Variants in INPP4A observed in about 807,000 individuals in gnomAD.
The protein encoded by INPP4A is inositol polyphosphate-4-phosphatase type I A.
Under a neutral mutation model 119.8 loss-of-function variants are expected in INPP4A, and 33 were observed. The ratio of observed to expected loss-of-function variants is 0.28; its 90% CI spans 0.21 to 0.37. The LOEUF (loss-of-function observed/expected upper bound fraction) is 0.37, where lower values mean the gene tolerates loss of function less well. INPP4A is among the 10% of genes least tolerant of loss of function. The pLI is 1.00. For missense variants in INPP4A, 956 were observed against 1,289.9 expected, an observed-to-expected ratio of 0.74 and a Z score of 3.97; for synonymous variants, 496 against 500.7, an observed-to-expected ratio of 0.99 and a Z score of 0.12.
Position 98,559,448 on chromosome 2 carries a change from T to A in INPP4A, c.1823-15T>A, listed in dbSNP as rs1695065125. On this transcript the variant is annotated splice_polypyrimidine_tract_variant and intron_variant, in intron 16 of 24. Coordinates refer to ENST00000409851, the MANE Select transcript of INPP4A (RefSeq NM_001134225.2). ...TGCTCCTTAATCATCCATGTCGCCC[T>A]CCATTTCTGTGCAGATTGCAGTCCC... The A allele has an allele frequency of 6.2e-7, 1 of 1,613,988 alleles. No individual in the cohort carries two copies.
intron 1 of INPP4A, among the ~76,000 whole-genome samples, chr2:98,518,551 C>T (rs1176410845): frequency 3.3e-5 from 5 of 152,236 alleles, no homozygotes; most frequent in African/African-American, 9.6e-5. Context: ...CTCCTGTTCA[C>T]GCACATTTGG....
chr2:98,537,896 C>T lies in INPP4A; in HGVS notation c.501C>T (p.Thr167=), dbSNP rs547758860. The change falls in exon 8 of 25, where the codon ACC becomes ACT. Residue 167 remains threonine (T), a synonymous_variant. Transcript: ENST00000409851. ...SAESDRVGNI[T]VIGWQMEEKS... ...AGAGTGACCGTGTAGGTAACATCACCGTGATTGGCTGGCAGATGGAGGAGA... is the reference window on the plus strand; with the variant it reads ...AGAGTGACCGTGTAGGTAACATCACTGTGATTGGCTGGCAGATGGAGGAGA... 23 of 1,612,994 alleles carry T rather than the reference C, an allele frequency of 1.4e-5. No homozygotes were observed. In the Admixed American group the frequency reaches 2.2e-4, roughly 15 times the overall value.
intron 1 of INPP4A, among the ~76,000 whole-genome samples, chr2:98,485,047 A>T (rs893197152): frequency 1.3e-5 from 2 of 150,430 alleles, no homozygotes; most frequent in African/African-American, 2.4e-5. Context: ...AAGCGAACAG[A>T]GTGTGTGTGT....
chr2:98,500,752 G>A (rs917614145), intron 1 of INPP4A, among the ~76,000 whole-genome samples: 1 of 152,196 alleles, frequency 6.6e-6, no homozygotes, highest in African/African-American at 2.4e-5. Context: ...GGTGGTAGAG[G>A]AACCTAATCA....
Position 98,476,577 on chromosome 2 carries a change from G to A in INPP4A, c.-166+31492G>A, listed in dbSNP as rs532916742. Among the ~76,000 whole-genome samples, 10 of 152,290 alleles carry A rather than the reference G, an allele frequency of 6.6e-5. No individual in the cohort carries two copies. The South Asian group carries it at 1.9e-3, about 28-fold the overall frequency. ...AGCCCTGGGGTGTGTGTGGGGAGGA[G>A]CCCTGCTTGGGGGAGGGGTGGCGCT... is the stretch of plus-strand genomic sequence containing the variant. On this transcript the variant is annotated intron_variant, in intron 1 of 24. Coordinates refer to ENST00000409851, the MANE Select transcript of INPP4A (RefSeq NM_001134225.2).
intron 1 of INPP4A, among the ~76,000 whole-genome samples, chr2:98,503,517 T>G: frequency 6.6e-6 from 1 of 152,250 alleles, no homozygotes; most frequent in African/African-American, 2.4e-5. Context: ...ATTTCAAGCT[T>G]CTTCCTTGCC....
intron 1 of INPP4A, among the ~76,000 whole-genome samples, chr2:98,487,898 T>G (rs1418352843): frequency 6.6e-6 from 1 of 152,208 alleles, no homozygotes; most frequent in Non-Finnish European, 1.5e-5. Context: ...CAGGTCACAA[T>G]AGGCAGTTTC....
At chr2:98,565,608 G>T (rs753812655) in intron 19 of INPP4A, 32 bp from the exon 20 acceptor site, 1 of 1,579,650 alleles carries the variant, frequency 6.3e-7, no homozygotes, top group Middle Eastern at 1.7e-4. Context: ...AGGGCCCTCT[G>T]CCTGACAGCC....
rs1700488482 is a variant in INPP4A, at chr2:98,593,487, G to A, written c.*5879G>A. ...CTCCTGGGTTCCCTTTCTCACTTAAGATGATCTTCCTGAAAAATCTTACAC... is the reference window on the plus strand; with the variant it reads ...CTCCTGGGTTCCCTTTCTCACTTAAAATGATCTTCCTGAAAAATCTTACAC... On this transcript the variant is annotated 3_prime_UTR_variant, in exon 25 of 25. Coordinates refer to ENST00000409851, the MANE Select transcript of INPP4A (RefSeq NM_001134225.2). The A allele has an allele frequency of 6.6e-6, 1 of 152,248 alleles. No individual in the cohort carries two copies. The highest frequency in any genetic ancestry group is 1.5e-5 in the Non-Finnish European group (1 of 68,038). The allele number at this position is 152,248 out of a possible 1,614,324, so 9.4% of individuals were successfully genotyped here. A position where few individuals can be genotyped will look rare whatever the true frequency, so the allele number is the denominator to read the frequency against.
At chr2:98,481,236 CAGAG>C (rs1224179609) in intron 1 of INPP4A, among the ~76,000 whole-genome samples, 1 of 152,192 alleles carries the variant, frequency 6.6e-6, no homozygotes, top group Non-Finnish European at 1.5e-5. Flanking sequence ...CCTCACCCCA[CAGAG>C]AGGCCAGGAA....
At chr2:98,489,710 TCTG>T in intron 1 of INPP4A, among the ~76,000 whole-genome samples, 1 of 152,296 alleles carries the variant, frequency 6.6e-6, no homozygotes, top group Admixed American at 6.5e-5. Flanking sequence ...TTCCTCTTCT[TCTG>T]GAGAGGGTGC....
Position 98,444,873 on chromosome 2 carries a change from G to C in INPP4A, c.-378G>C, listed in dbSNP as rs1225374651. On this transcript the variant is annotated 5_prime_UTR_variant, in exon 1 of 25. Coordinates refer to ENST00000409851, the MANE Select transcript of INPP4A (RefSeq NM_001134225.2). ...TGCGCCCGGCGTCTAGAGCGGCGGC[G>C]GCTGGCTAGGGCTGCGGCGCGCGTG... The C allele has an allele frequency of 6.6e-6, 1 of 151,902 alleles. No individual in the cohort carries two copies. The allele number at this position is 151,902 out of a possible 1,614,324, so 9.4% of individuals were successfully genotyped here.
rs142957134 is a variant in INPP4A at position 98,588,546 on chromosome 2, C to T, written c.*938C>T. ...CCAATTTATCTTTGAAAAGACAGTA[C>T]AATCATGTTTGAATGTCTGATGAAA... On this transcript the variant is annotated 3_prime_UTR_variant, in exon 25 of 25. Coordinates refer to ENST00000409851, the MANE Select transcript of INPP4A (RefSeq NM_001134225.2). 1,087 of 220,284 alleles carry T rather than the reference C, an allele frequency of 4.9e-3. 18 individuals are homozygous for T. Among genetic ancestry groups the T allele is most frequent in the African/African-American group, 0.022 (996 of 44,650 alleles). 13.6% of individuals were successfully genotyped at this position (220,284 alleles called of 1,614,324 possible). A position where few individuals can be genotyped will look rare whatever the true frequency, so the allele number is the denominator to read the frequency against.
chr2:98,476,261 T>TCC (rs771893281), intron 1 of INPP4A, among the ~76,000 whole-genome samples: 1 of 152,214 alleles, frequency 6.6e-6, no homozygotes, highest in Non-Finnish European at 1.5e-5. Context: ...GGCCAGGTGT[T>TCC]GCCAGGACAC....
At chr2:98,508,883 G>A (rs1684597556) in intron 1 of INPP4A, among the ~76,000 whole-genome samples, 2 of 152,170 alleles carry the variant, frequency 1.3e-5, no homozygotes, top group Admixed American at 1.3e-4. Context: ...AATTGATGTG[G>A]TAATCAAATG....
intron 1 of INPP4A, among the ~76,000 whole-genome samples, chr2:98,468,555 T>G (rs1675268058): frequency 6.6e-6 from 1 of 152,028 alleles, no homozygotes. Context: ...AGAAAATTTA[T>G]AAGGTGCCAC....
rs769728754 is a variant in INPP4A, at chr2:98,566,164, C to T, written c.2415C>T (p.Ala805=). 3.8e-6 allele frequency: 6 copies of T among 1,589,998 alleles called. No individual in the cohort carries two copies. Among genetic ancestry groups the T allele is most frequent in the Admixed American group, 3.4e-5 (2 of 58,138 alleles). The change falls in exon 21 of 25, where the codon GCC becomes GCT. Residue 805 remains alanine, a synonymous_variant. Coordinates refer to ENST00000409851, the MANE Select transcript of INPP4A (RefSeq NM_001134225.2). This position sits in a 1 kb window ranked among gnomAD's most constrained non-coding sequence, Gnocchi z 4.2. ...GCATCAATGAGCAGCAGACACTGGC[C>T]GAGAGGTGCGTGCCGGCTCCTCGGG... The part of the protein sequence containing the change: ...NVGINEQQTL[A]ERFGDTSLQE...
At chr2:98,539,379 G>A (rs931806030) in intron 9 of INPP4A, 149 bp from the exon 10 acceptor site, 1 of 815,000 alleles carries the variant, frequency 1.2e-6, no homozygotes, top group East Asian at 2.8e-5. Context: ...CACTTGGTGG[G>A]TTTTCGGTGT....
At chr2:98,509,862 G>A (rs1277503897) in intron 1 of INPP4A, among the ~76,000 whole-genome samples, 3 of 152,208 alleles carry the variant, frequency 2.0e-5, no homozygotes, top group Non-Finnish European at 2.9e-5. Flanking sequence ...AAGGAGCTGA[G>A]CTGCAGTTGT....
Sources: gnomAD v4.1 joint callset for allele counts (sites outside exome capture counted in the v4.1 genomes callset) on GRCh38, gnomAD v4.1.1 for gene constraint, Gnocchi (gnomAD v3.1) non-coding constraint, MANE v1.5 for transcripts, NCBI Gene and HGNC (gene_info 2026-07-23, HGNC 2026-07-21) for gene names.